Variants in EPHA7 observed in about 807,000 individuals in gnomAD.
EPHA7 encodes EPH receptor A7, also known as ephrin type-A receptor 7.
EPHA7 carries 25 observed loss-of-function variants against 112.6 expected under a neutral mutation model. That is an observed-to-expected ratio of 0.22 (90% CI 0.16 to 0.31). The LOEUF is 0.31. EPHA7 is among the 10% of genes least tolerant of loss of function. The pLI, the probability that EPHA7 is intolerant of heterozygous loss-of-function variation, is 1.00. For synonymous variants in EPHA7, 437 were observed against 406.5 expected (o/e 1.07, Z -0.90); for missense variants, 962 against 1,212.6 (o/e 0.79, Z 3.07).
chr6:93,323,838 C>T (rs1361890968), intron 5 of EPHA7, among the ~76,000 whole-genome samples: 1 of 151,440 alleles, frequency 6.6e-6, no homozygotes, highest in Non-Finnish European at 1.5e-5. Flanking sequence ...ATCTGCTCAA[C>T]TAAACATTTT....
At chr6:93,255,019 TTGTGTG>T (rs1770374472) in intron 13 of EPHA7, among the ~76,000 whole-genome samples, 1 of 151,994 alleles carries the variant, frequency 6.6e-6, no homozygotes, top group African/African-American at 2.4e-5. Context: ...TGATTGAGAT[TTGTGTG>T]GTGTTAGGGC....
At chr6:93,329,237 G>A (rs1307426646) in intron 5 of EPHA7, among the ~76,000 whole-genome samples, 1 of 151,246 alleles carries the variant, frequency 6.6e-6, no homozygotes, top group Non-Finnish European at 1.5e-5. Context: ...AATAACTGCA[G>A]AGTATGACCT....
chr6:93,416,265 T>C (rs564965825), intron 1 of EPHA7, among the ~76,000 whole-genome samples: 2 of 152,274 alleles, frequency 1.3e-5, no homozygotes, highest in African/African-American at 4.8e-5. Flanking sequence ...ACAACAGACA[T>C]GAAGCACAGG....
At position 93,410,707 on chromosome 6, in the gene EPHA7, A is replaced by G. The variant is rs776462833; in HGVS notation, c.626T>C (p.Ile209Thr). Residue 209 changes from isoleucine to threonine, a missense_variant, in exon 3 of 17, where the codon ATT becomes ACT. This residue lies in a region of EPHA7 where 160 missense variants were observed against 263.6 expected (regional missense o/e 0.61). Coordinates refer to ENST00000369303, the MANE Select transcript of EPHA7 (RefSeq NM_004440.4). The surrounding 1 kb of genome is among the most constrained non-coding windows in gnomAD (Gnocchi z 4.0). ...KVYYKKCWSIIENLAIFPDTV... is the reference protein window; with the variant it reads ...KVYYKKCWSITENLAIFPDTV... Reference sequence around the variant, plus strand: ...ATCTGGAAAGATAGCTAAGTTCTCAATAATGGACCAGCACTTCTTGTAGTA... The same window carrying G: ...ATCTGGAAAGATAGCTAAGTTCTCAGTAATGGACCAGCACTTCTTGTAGTA... The G allele has an allele frequency of 2.5e-6, 4 of 1,614,098 alleles. No homozygotes were observed. The highest frequency in any genetic ancestry group is 2.2e-5 in the East Asian group (1 of 44,866).
intron 3 of EPHA7, among the ~76,000 whole-genome samples, chr6:93,393,600 T>C (rs1778015516): frequency 6.6e-6 from 1 of 151,818 alleles, no homozygotes; most frequent in Non-Finnish European, 1.5e-5. Flanking sequence ...GGGCTAGGAC[T>C]GAACTAGACT....
intron 3 of EPHA7, among the ~76,000 whole-genome samples, chr6:93,400,056 G>A (rs193273002): frequency 1.3e-4 from 19 of 151,974 alleles, no homozygotes; most frequent in Admixed American, 1.1e-3. Flanking sequence ...AGTGGGTGAG[G>A]GGCATATCCT....
intron 5 of EPHA7, among the ~76,000 whole-genome samples, chr6:93,281,818 A>T (rs1466684026): frequency 2.0e-5 from 3 of 152,166 alleles, no homozygotes; most frequent in African/African-American, 7.2e-5. Flanking sequence ...CTATATTTAA[A>T]TTCTTTACAA....
chr6:93,259,907 A>C (rs1770610169), intron 9 of EPHA7, among the ~76,000 whole-genome samples: 1 of 151,938 alleles, frequency 6.6e-6, no homozygotes, highest in Admixed American at 6.6e-5. Flanking sequence ...TTTCATTTAC[A>C]GGTAGCCTAC....
chr6:93,285,860 C>T (rs1369809117), intron 5 of EPHA7, among the ~76,000 whole-genome samples: 1 of 152,008 alleles, frequency 6.6e-6, no homozygotes, highest in Non-Finnish European at 1.5e-5. Flanking sequence ...TCAGTTAGAG[C>T]TGGGGTCTGT....
intron 5 of EPHA7, among the ~76,000 whole-genome samples, chr6:93,319,768 C>G (rs1773977087): frequency 6.6e-6 from 1 of 152,070 alleles, no homozygotes; most frequent in African/African-American, 2.4e-5. Flanking sequence ...TCCATATACA[C>G]ATGTTTTACA....
At chr6:93,322,107 A>T (rs964712390) in intron 5 of EPHA7, among the ~76,000 whole-genome samples, 3 of 151,846 alleles carry the variant, frequency 2.0e-5, no homozygotes, top group Non-Finnish European at 4.4e-5. Context: ...ACAGGCTTTC[A>T]CACTGTACAG....
At chr6:93,293,029 C>G (rs996570907) in intron 5 of EPHA7, among the ~76,000 whole-genome samples, 2 of 151,730 alleles carry the variant, frequency 1.3e-5, no homozygotes, top group African/African-American at 4.8e-5. Context: ...TAGTTTGAGG[C>G]CTTGTACAAT....
At chr6:93,294,146 T>C (rs1310302552) in intron 5 of EPHA7, among the ~76,000 whole-genome samples, 2 of 152,216 alleles carry the variant, frequency 1.3e-5, no homozygotes, top group Non-Finnish European at 2.9e-5. Flanking sequence ...CTTGCTGCTA[T>C]CTACTCAGTC....
chr6:93,324,174 T>A (rs1029318065), intron 5 of EPHA7, among the ~76,000 whole-genome samples: 23 of 151,144 alleles, frequency 1.5e-4, no homozygotes, highest in East Asian at 5.8e-4. Flanking sequence ...ACTGATTTTT[T>A]AAAAATCTGC....
Position 93,242,499 on chromosome 6 carries a change from A to G in EPHA7, c.*927T>C. On this transcript the variant is annotated 3_prime_UTR_variant, in exon 17 of 17. Transcript: ENST00000369303. ...TTGATGTGCTCAGATTAATTTTTAG[A>G]TAACACTGGATAGTTCTGCTTTCAG... The G allele has an allele frequency of 5.0e-6, 1 of 199,226 alleles. No individual in the cohort carries two copies. Among genetic ancestry groups the G allele is most frequent in the Non-Finnish European group, 1.0e-5 (1 of 96,152 alleles). 12.3% of individuals were successfully genotyped at this position (199,226 alleles called of 1,614,324 possible). A position where few individuals can be genotyped will look rare whatever the true frequency, so the allele number is the denominator to read the frequency against.
chr6:93,367,332 T>G (rs1343709867), intron 3 of EPHA7, among the ~76,000 whole-genome samples: 1 of 152,160 alleles, frequency 6.6e-6, no homozygotes, highest in Non-Finnish European at 1.5e-5. Context: ...TCATATTTAC[T>G]AAAGTATCAT....
At chr6:93,394,242 T>C (rs754469612) in intron 3 of EPHA7, among the ~76,000 whole-genome samples, 2 of 151,932 alleles carry the variant, frequency 1.3e-5, no homozygotes, top group Non-Finnish European at 2.9e-5. Flanking sequence ...TAGCTGTATG[T>C]GCAGATATTG....
At chr6:93,342,906 A>G (rs966690610) in intron 5 of EPHA7, among the ~76,000 whole-genome samples, 4 of 151,784 alleles carry the variant, frequency 2.6e-5, no homozygotes, top group Non-Finnish European at 5.9e-5. Context: ...TAAAGAAAAC[A>G]CATATTGTCT....
At chr6:93,380,393 T>C (rs1180918060) in intron 3 of EPHA7, among the ~76,000 whole-genome samples, 2 of 152,088 alleles carry the variant, frequency 1.3e-5, no homozygotes, top group Non-Finnish European at 2.9e-5. Flanking sequence ...TACCAGGCAT[T>C]TTAATCCATT....
Sources: allele counts gnomAD v4.1 joint callset (sites outside exome capture counted in the v4.1 genomes callset), GRCh38; gene constraint gnomAD v4.1.1; regional missense constraint gnomAD v4.1.1; non-coding constraint Gnocchi (gnomAD v3.1); transcripts MANE v1.5; gene names NCBI Gene and HGNC (gene_info 2026-07-23, HGNC 2026-07-21).